The following MEX3B variants were observed in gnomAD, a reference collection of about 807,000 sequenced individuals.
The protein encoded by MEX3B is RNA-binding protein MEX3B.
In MEX3B, 10 loss-of-function variants were observed where a neutral mutation model predicts 12.2. That is an observed-to-expected ratio of 0.82 (90% CI 0.51 to 1.40). The LOEUF (loss-of-function observed/expected upper bound fraction) is 1.40. Ranked by LOEUF, MEX3B falls within the 40% of genes most tolerant of loss-of-function variation. The pLI, the probability that MEX3B is intolerant of heterozygous loss-of-function variation, is 0.00. For missense variants in MEX3B, 839 were observed against 801.4 expected, an observed-to-expected ratio of 1.05 and a Z score of -0.57; for synonymous variants, 498 against 356.3, an observed-to-expected ratio of 1.40 and a Z score of -4.48.
chr15:82,043,324 G>T lies in MEX3B; in HGVS notation c.1546C>A (p.Arg516Ser). 6.2e-7 allele frequency: 1 copy of T among 1,606,936 alleles called. No individual in the cohort carries two copies. Among genetic ancestry groups the T allele is most frequent in the Non-Finnish European group, 8.5e-7 (1 of 1,176,494 alleles). ...SSSGLRRKGS[R>S]DCSVCFESEV... ...CTCTCGAAGCACACGGAGCAGTCGC[G>T]GCTGCCTTTACGCCGAAGCCCGGAG... The change falls in exon 2 of 2, where the codon CGC (arginine) becomes AGC (serine). Residue 516 changes from arginine to serine, a missense_variant. Coordinates refer to ENST00000329713, the MANE Select transcript of MEX3B (RefSeq NM_032246.6).
In MEX3B at chr15:82,045,502, C is replaced by T; in HGVS notation, c.204G>A (p.Glu68=). ...GCTCAGAACTGGGTACTGGCACGCA[C>T]TCGGTCATGTTCACGCTCTTCTTGC... ...EPRKKSVNMT[E]CVPVPSSEHV... Residue 68 remains glutamate (E), a synonymous_variant, in exon 1 of 2, where the codon GAG becomes GAA. Coordinates refer to ENST00000329713, the MANE Select transcript of MEX3B (RefSeq NM_032246.6). 6.2e-7 allele frequency: 1 copy of T among 1,612,942 alleles called. No individual in the cohort carries two copies. Among genetic ancestry groups the T allele is most frequent in the South Asian group, 1.1e-5 (1 of 90,974 alleles).
chr15:82,042,828 C>G lies in MEX3B; in HGVS notation c.*332G>C, dbSNP rs953393689. 5 of 200,106 alleles carry G rather than the reference C, an allele frequency of 2.5e-5. No homozygotes were observed. The highest frequency in any genetic ancestry group is 1.2e-4 in the African/African-American group (5 of 43,456). The allele number at this position is 200,106 out of a possible 1,614,324, so 12.4% of individuals were successfully genotyped here. A position where few individuals can be genotyped will look rare whatever the true frequency, so the allele number is the denominator to read the frequency against. On this transcript the variant is annotated 3_prime_UTR_variant, in exon 2 of 2. Coordinates refer to ENST00000329713, the MANE Select transcript of MEX3B (RefSeq NM_032246.6). ...TTGTGGGGTTTTCTTCTTTTGGAAG[C>G]TTCCTATTAAGTACAGTGTAAAAAC...
Position 82,045,621 on chromosome 15 carries a change from C to T in MEX3B, c.85G>A (p.Asp29Asn), listed in dbSNP as rs1596007562. The change falls in exon 1 of 2, where the codon GAT becomes AAT. Residue 29 changes from aspartate to asparagine, a missense_variant. By Grantham distance (23) the Asp-to-Asn change is conservative. Coordinates refer to ENST00000329713, the MANE Select transcript of MEX3B (RefSeq NM_032246.6). ...GCGAGCTGCAGGGCTCTTTGGTCATCCAGGGTCTCTCCCCCTCCGCTGCTG... is the reference window on the plus strand; with the variant it reads ...GCGAGCTGCAGGGCTCTTTGGTCATTCAGGGTCTCTCCCCCTCCGCTGCTG... Reference protein sequence around the residue: ...GGSSGGGETLDDQRALQLALD... With the variant: ...GGSSGGGETLNDQRALQLALD... The T allele has an allele frequency of 6.2e-7, 1 of 1,602,110 alleles. No homozygotes were observed. The highest frequency in any genetic ancestry group is 8.5e-7 in the Non-Finnish European group (1 of 1,177,260).
At chr15:82,045,075 G>A (rs559557074) in intron 1 of MEX3B, 5 of 597,424 alleles carry the variant, frequency 8.4e-6, no homozygotes, top group South Asian at 8.0e-5. Flanking sequence ...CCGCTTTGCA[G>A]AAATCCAGAA....
Position 82,044,392 on chromosome 15 carries a change from G to T in MEX3B, c.478C>A (p.Gln160Lys). 6.2e-7 allele frequency: 1 copy of T among 1,611,150 alleles called. No individual in the cohort carries two copies. Among genetic ancestry groups the T allele is most frequent in the African/African-American group, 1.3e-5 (1 of 75,040 alleles). ...GGTACCCGCACTTGGATGGTGGTCTGCCCGGGCAGGTTGGGCGGCCCAGGC... is the reference window on the plus strand; with the variant it reads ...GGTACCCGCACTTGGATGGTGGTCTTCCCGGGCAGGTTGGGCGGCCCAGGC... ...AVPGPPNLPGQTTIQVRVPYR... is the reference protein window; with the variant it reads ...AVPGPPNLPGKTTIQVRVPYR... The change falls in exon 2 of 2, where the codon CAG becomes AAG. Residue 160 changes from glutamine (Q) to lysine (K), a missense_variant. Coordinates refer to ENST00000329713, the MANE Select transcript of MEX3B (RefSeq NM_032246.6). This position sits in a 1 kb window ranked among gnomAD's most constrained non-coding sequence, Gnocchi z 5.3.
Position 82,044,844 on chromosome 15 carries a change from C to T in MEX3B, c.257-231G>A. The T allele has an allele frequency of 1.7e-6, 1 of 598,550 alleles. No homozygotes were observed. Among genetic ancestry groups the T allele is most frequent in the Non-Finnish European group, 3.0e-6 (1 of 336,558 alleles). The allele number at this position is 598,550 out of a possible 1,614,324, so 37.1% of individuals were successfully genotyped here. On this transcript the variant is annotated intron_variant, in intron 1 of 1. Coordinates refer to ENST00000329713, the MANE Select transcript of MEX3B (RefSeq NM_032246.6). This position sits in a 1 kb window ranked among gnomAD's most constrained non-coding sequence, Gnocchi z 5.3. ...AACAGCCCATTGGCTGCCTGGCCCT[C>T]CCCCAGTGACTGCAGTCGTCCCGAA...
chr15:82,044,079 A>C lies in MEX3B; in HGVS notation c.791T>G (p.Leu264Arg). The C allele has an allele frequency of 3.1e-6, 5 of 1,610,910 alleles. No individual in the cohort carries two copies. The highest frequency in any genetic ancestry group is 4.2e-6 in the Non-Finnish European group (5 of 1,179,578). The change falls in exon 2 of 2, where the codon CTC (leucine) becomes CGC (arginine). Residue 264 changes from leucine (L) to arginine (R), a missense_variant. Leu to Arg is a moderately radical substitution (Grantham distance 102). Transcript: ENST00000329713. The surrounding 1 kb of genome is among the most constrained non-coding windows in gnomAD (Gnocchi z 5.3). ...HGSGGSGPGS[L>R]WSKPTPSITP... ...GATGCTGGGGGTGGGCTTGCTCCAG[A>C]GGCTGCCTGGGCCGGACCCGCCGGA...
chr15:82,044,629 C>T lies in MEX3B; in HGVS notation c.257-16G>A. ...ATTTTACAACCTACGAACCAGGGTGCGGAGGAGGGAGTGGGAGAGAGAGAC... is the reference window on the plus strand; with the variant it reads ...ATTTTACAACCTACGAACCAGGGTGTGGAGGAGGGAGTGGGAGAGAGAGAC... On this transcript the variant is annotated splice_polypyrimidine_tract_variant and intron_variant, in intron 1 of 1. Transcript: ENST00000329713. The surrounding 1 kb of genome is among the most constrained non-coding windows in gnomAD (Gnocchi z 5.3). 2 of 1,613,672 alleles carry T rather than the reference C, an allele frequency of 1.2e-6. No individual in the cohort carries two copies. The highest frequency in any genetic ancestry group is 1.7e-6 in the Non-Finnish European group (2 of 1,179,792).
rs773973350 is a variant in MEX3B at position 82,045,632 on chromosome 15, C to A, written c.74G>T (p.Gly25Val). The A allele has an allele frequency of 6.3e-7, 1 of 1,593,022 alleles. No homozygotes were observed. Among genetic ancestry groups the A allele is most frequent in the Non-Finnish European group, 8.5e-7 (1 of 1,173,462 alleles). ...GGCTCTTTGGTCATCCAGGGTCTCT[C>A]CCCCTCCGCTGCTGCCGCCGCCGCC... ...GGGGGGSSGG[G>V]ETLDDQRALQ... is the part of the protein sequence containing the mutation. Residue 25 changes from glycine to valine, a missense_variant, in exon 1 of 2, where the codon GGA (glycine) becomes GTA (valine). Physicochemically the swap from Gly to Val is moderately radical, Grantham distance 109. Coordinates refer to ENST00000329713, the MANE Select transcript of MEX3B (RefSeq NM_032246.6).
In MEX3B at chr15:82,043,857, T is replaced by C; in HGVS notation, c.1013A>G (p.Asn338Ser). The C allele has an allele frequency of 1.9e-6, 3 of 1,591,532 alleles. No individual in the cohort carries two copies. The highest frequency in any genetic ancestry group is 1.7e-6 in the Non-Finnish European group (2 of 1,169,050). Residue 338 changes from asparagine (N) to serine (S), a missense_variant, in exon 2 of 2, where the codon AAT becomes AGT. Physicochemically the swap from Asn to Ser is conservative, Grantham distance 46. Coordinates refer to ENST00000329713, the MANE Select transcript of MEX3B (RefSeq NM_032246.6). ...TCCCCCCGCTGTGTAGGTGTACCCATTGCCGTTATTGTTATTGTTTCCGTT... is the reference window on the plus strand; with the variant it reads ...TCCCCCCGCTGTGTAGGTGTACCCACTGCCGTTATTGTTATTGTTTCCGTT... ...AHNGNNNNNG[N>S]GYTYTAGGEA... is the part of the protein sequence containing the mutation.
At chr15:82,045,427 C>CG in intron 1 of MEX3B, 23 bp downstream of exon 1, 1 of 1,549,780 alleles carries the variant, frequency 6.5e-7, no homozygotes, top group Non-Finnish European at 8.8e-7. Context: ...CCCCACCCAC[C>CG]TCCCCATCCC....
rs2141170261 is a variant in MEX3B at position 82,044,487 on chromosome 15, A to G, written c.383T>C (p.Ile128Thr). Residue 128 changes from isoleucine (I) to threonine (T), a missense_variant, in exon 2 of 2, where the codon ATC becomes ACC. Coordinates refer to ENST00000329713, the MANE Select transcript of MEX3B (RefSeq NM_032246.6). This position sits in a 1 kb window ranked among gnomAD's most constrained non-coding sequence, Gnocchi z 5.3. ...CATGGAGAAGTGCTCGGCAGCAGAG[A>G]TGATCTCCCTCCGAGCCATGGCCAC... ...EDVAMARREI[I>T]SAAEHFSMIR... is the part of the protein sequence containing the mutation. 2 of 1,613,950 alleles carry G rather than the reference A, an allele frequency of 1.2e-6. No individual in the cohort carries two copies. Among genetic ancestry groups the G allele is most frequent in the East Asian group, 2.2e-5 (1 of 44,836 alleles).
Position 82,043,713 on chromosome 15 carries a change from C to A in MEX3B, c.1157G>T (p.Gly386Val), listed in dbSNP as rs753436134. ...AGAAGATACCGGAGCTGCAGGTCCG[C>A]CTCCCGGGGACCGCTCGAACTGGGC... ...IWAQFERSPG[G>V]GPAAPVSSSC... The change falls in exon 2 of 2, where the codon GGC becomes GTC. Residue 386 changes from glycine (G) to valine (V), a missense_variant. Around this residue, in one of 3 missense-constraint regions of MEX3B, gnomAD observed 573 missense variants for 488.9 expected, o/e 1.17. Coordinates refer to ENST00000329713, the MANE Select transcript of MEX3B (RefSeq NM_032246.6). The A allele has an allele frequency of 5.7e-6, 9 of 1,591,152 alleles. 1 individual carries two copies. The South Asian group carries it at 8.1e-5, about 14-fold the overall frequency.
rs2073230756 is a variant in MEX3B at position 82,043,181 on chromosome 15, C to T, written c.1689G>A (p.Gln563=). The T allele has an allele frequency of 3.2e-6, 5 of 1,546,228 alleles. No homozygotes were observed. The highest frequency in any genetic ancestry group is 2.3e-5 in the East Asian group (1 of 43,868). Reference sequence around the variant, plus strand: ...GCCTTTAAGAAAAGATGCGGATGGCCTGAGTGACCGCGGTGTGGCAGACCG... The same window carrying T: ...GCCTTTAAGAAAAGATGCGGATGGCTTGAGTGACCGCGGTGTGGCAGACCG... ...ECPVCHTAVT[Q]AIRIFS Residue 563 remains glutamine (Q), a synonymous_variant, in exon 2 of 2, where the codon CAG becomes CAA. Coordinates refer to ENST00000329713, the MANE Select transcript of MEX3B (RefSeq NM_032246.6).
rs1567017541 is a variant in MEX3B, at chr15:82,044,330, G to A, written c.540C>T (p.Gly180=). The change falls in exon 2 of 2, where the codon GGC becomes GGT. Residue 180 remains glycine (G), a synonymous_variant. Transcript: ENST00000329713. This position sits in a 1 kb window ranked among gnomAD's most constrained non-coding sequence, Gnocchi z 5.3. ...RVVGLVVGPK[G]ATIKRIQQQT... is the part of the protein sequence containing the mutation. ...GCTGCTGGATGCGCTTGATTGTGGC[G>A]CCTTTGGGCCCCACCACGAGCCCCA... 1 of 1,612,532 alleles carries A rather than the reference G, an allele frequency of 6.2e-7. No individual in the cohort carries two copies.
At chr15:82,045,295 T>C in intron 1 of MEX3B, 155 bp downstream of exon 1, 5 of 934,662 alleles carry the variant, frequency 5.3e-6, no homozygotes, top group Non-Finnish European at 8.4e-6. Flanking sequence ...GCCTGCACTT[T>C]CTTTGTCTGG....
chr15:82,042,904 AG>A lies in MEX3B; in HGVS notation c.*255del, dbSNP rs1382569431. 2.8e-6 allele frequency: 1 copy of A among 353,644 alleles called. No individual in the cohort carries two copies. 21.9% of individuals were successfully genotyped at this position (353,644 alleles called of 1,614,324 possible). A position where few individuals can be genotyped will look rare whatever the true frequency, so the allele number is the denominator to read the frequency against. ...CTATTATTTATAGAGCATGCATTTC[AG>A]GTGTTCAGGTTTCCCAGGCTACAGT... On this transcript the variant is annotated 3_prime_UTR_variant, in exon 2 of 2. Coordinates refer to ENST00000329713, the MANE Select transcript of MEX3B (RefSeq NM_032246.6).
Position 82,042,676 on chromosome 15 carries a change from ATAAG to A in MEX3B, c.*480_*483del, listed in dbSNP as rs1195837351. 6.5e-6 allele frequency: 1 copy of A among 152,830 alleles called. No individual in the cohort carries two copies. The highest frequency in any genetic ancestry group is 1.5e-5 in the Non-Finnish European group (1 of 68,166). The allele number at this position is 152,830 out of a possible 1,614,324, so 9.5% of individuals were successfully genotyped here. On this transcript the variant is annotated 3_prime_UTR_variant, in exon 2 of 2. Coordinates refer to ENST00000329713, the MANE Select transcript of MEX3B (RefSeq NM_032246.6). ...CAAAAAGGATCCACTGTGTTCTATA[ATAAG>A]TATCATAGGAACCCACCCACAAAGG...
Position 82,044,648 on chromosome 15 carries a change from G to A in MEX3B, c.257-35C>T, listed in dbSNP as rs1018520183. 2 of 1,607,480 alleles carry A rather than the reference G, an allele frequency of 1.2e-6. No homozygotes were observed. The highest frequency in any genetic ancestry group is 1.7e-6 in the Non-Finnish European group (2 of 1,174,572). On this transcript the variant is annotated intron_variant, in intron 1 of 1. Transcript: ENST00000329713. The surrounding 1 kb of genome is among the most constrained non-coding windows in gnomAD (Gnocchi z 5.3). ...AGGGTGCGGAGGAGGGAGTGGGAGA[G>A]AGAGACAGACACGCCCATTATCCTG...
Sources: allele counts gnomAD v4.1 joint callset, GRCh38; gene constraint gnomAD v4.1.1; regional missense constraint gnomAD v4.1.1; non-coding constraint Gnocchi (gnomAD v3.1); transcripts MANE v1.5; gene names NCBI Gene and HGNC (gene_info 2026-07-23, HGNC 2026-07-21).